Variants in CCNG2 observed in about 807,000 individuals in gnomAD.
The protein encoded by CCNG2 is cyclin G2.
In CCNG2, 20 loss-of-function variants were observed where a neutral mutation model predicts 36.5. That is an observed-to-expected ratio of 0.55 (90% CI 0.39 to 0.80). The LOEUF (loss-of-function observed/expected upper bound fraction) is 0.80. CCNG2 is among the 30% of genes least tolerant of loss of function. The pLI is 0.00. For missense variants in CCNG2, 358 were observed against 390.8 expected (o/e 0.92, Z 0.71); for synonymous variants, 155 against 140.1 (o/e 1.11, Z -0.75).
At chr4:77,162,715 G>A (rs1731515795) in intron 6 of CCNG2, among the ~76,000 whole-genome samples, 1 of 151,982 alleles carries the variant, frequency 6.6e-6, no homozygotes, top group Non-Finnish European at 1.5e-5. Context: ...AAAGAAATAG[G>A]GCAGACTAGG....
rs755592562 is a variant in CCNG2 at position 77,164,327 on chromosome 4, C to T, written c.759C>T (p.Ala253=). The change falls in exon 7 of 8, where the codon GCC becomes GCT. Residue 253 remains alanine (A), a synonymous_variant. Coordinates refer to ENST00000316355, the MANE Select transcript of CCNG2 (RefSeq NM_004354.3). ...YWRELVSKCL[A]EYSSPECCKP... ...GAGAGTTGGTTTCTAAATGCCTAGC[C>T]GAGTATTCTTCTCCTGAATGTTGCA... The T allele has an allele frequency of 8.7e-6, 14 of 1,613,820 alleles. No individual in the cohort carries two copies. Among genetic ancestry groups the T allele is most frequent in the East Asian group, 4.5e-5 (2 of 44,886 alleles).
chr4:77,158,165 G>T, intron 1 of CCNG2: 1 of 205,936 alleles, frequency 4.9e-6, no homozygotes, highest in South Asian at 1.0e-4. Flanking sequence ...ACCCGCTGCA[G>T]TCGCTCGCCA....
intron 4 of CCNG2, 44 bp from the exon 5 acceptor site, chr4:77,161,436 A>C: frequency 1.4e-6 from 2 of 1,388,288 alleles, no homozygotes; most frequent in Non-Finnish European, 2.0e-6. Flanking sequence ...AAATCATTTA[A>C]ATCTTTGGAA....
rs1317118793 is a variant in CCNG2 at position 77,167,801 on chromosome 4, A to G, written c.*1877A>G. 1.3e-5 allele frequency: 2 copies of G among 152,212 alleles called. No homozygotes were observed. The highest frequency in any genetic ancestry group is 2.1e-4 in the South Asian group (1 of 4,816). 9.4% of individuals were successfully genotyped at this position (152,212 alleles called of 1,614,324 possible). ...TCTGGAGATAGGGGTATGTTTTCCT[A>G]CCCTTCTAGTGGAGAATCCTACTTG... On this transcript the variant is annotated 3_prime_UTR_variant, in exon 8 of 8. Transcript: ENST00000316355.
In CCNG2 at chr4:77,158,730, C is replaced by G. The variant is rs560094130; in HGVS notation, c.138+60C>G. 75 of 1,575,648 alleles carry G rather than the reference C, an allele frequency of 4.8e-5. 1 individual carries two copies. Among genetic ancestry groups the G allele is most frequent in the Non-Finnish European group, 6.2e-5 (71 of 1,151,652 alleles). On this transcript the variant is annotated intron_variant, in intron 2 of 7. Coordinates refer to ENST00000316355, the MANE Select transcript of CCNG2 (RefSeq NM_004354.3). ...CTGATGGGGCTTGGAGGAGGTAACCCCCCCGCCCCCGTTGAATCATGACTA... is the reference window on the plus strand; with the variant it reads ...CTGATGGGGCTTGGAGGAGGTAACCGCCCCGCCCCCGTTGAATCATGACTA...
At chr4:77,164,547 C>A in intron 7 of CCNG2, 68 bp downstream of exon 7, 2 of 1,167,624 alleles carry the variant, frequency 1.7e-6, no homozygotes, top group Non-Finnish European at 1.3e-6. Context: ...ATACTCAGAA[C>A]TGGAATAGTG....
chr4:77,162,492 C>T (rs1239523070), intron 6 of CCNG2, among the ~76,000 whole-genome samples: 3 of 149,706 alleles, frequency 2.0e-5, no homozygotes, highest in Non-Finnish European at 4.4e-5. Context: ...AAGTGATTCT[C>T]CTGCGTCAAC....
At position 77,169,163 on chromosome 4, in the gene CCNG2, T is replaced by TTAGAC. The variant is rs1731705456; in HGVS notation, c.*3240_*3241insAGACT. 1 of 152,206 alleles carries TTAGAC rather than the reference T, an allele frequency of 6.6e-6. No homozygotes were observed. The highest frequency in any genetic ancestry group is 2.1e-4 in the South Asian group (1 of 4,832). 9.4% of individuals were successfully genotyped at this position (152,206 alleles called of 1,614,324 possible). A position where few individuals can be genotyped will look rare whatever the true frequency, so the allele number is the denominator to read the frequency against. ...CTCGTGACAATTTTAACCATTTTCT[T>TTAGAC]TGTCTAGAGTCTGCCTTTTTCTTTT... On this transcript the variant is annotated 3_prime_UTR_variant, in exon 8 of 8. Coordinates refer to ENST00000316355, the MANE Select transcript of CCNG2 (RefSeq NM_004354.3).
intron 1 of CCNG2, 123 bp from the exon 2 acceptor site, chr4:77,158,410 C>G: frequency 1.1e-6 from 1 of 935,492 alleles, no homozygotes; most frequent in Non-Finnish European, 1.7e-6. Flanking sequence ...GGTCCCTTCA[C>G]CCGCTCCTTG....
At chr4:77,160,531 T>TGGGCG (rs1553894287) in intron 3 of CCNG2, among the ~76,000 whole-genome samples, 190 bp from the exon 4 acceptor site, 1 of 107,374 alleles carries the variant, frequency 9.3e-6, no homozygotes, top group African/African-American at 4.3e-5. Flanking sequence ...CCTTTTTTTT[T>TGGGCG]GGGGGGGGGG....
At chr4:77,163,033 A>G (rs1731528999) in intron 6 of CCNG2, among the ~76,000 whole-genome samples, 1 of 152,116 alleles carries the variant, frequency 6.6e-6, no homozygotes, top group Non-Finnish European at 1.5e-5. Flanking sequence ...ATTTGTGATG[A>G]GAGCAATATG....
At chr4:77,159,319 T>C in intron 2 of CCNG2, 48 bp from the exon 3 acceptor site, 1 of 1,563,572 alleles carries the variant, frequency 6.4e-7, no homozygotes, top group Admixed American at 1.9e-5. Context: ...GTGTTTTTCA[T>C]CTGGTTCTAA....
chr4:77,164,613 C>G (rs907771921), intron 7 of CCNG2, 134 bp downstream of exon 7: 88 of 613,452 alleles, frequency 1.4e-4, no homozygotes, highest in Non-Finnish European at 2.2e-4. Flanking sequence ...AAAGCCCCCA[C>G]TCTTCAGGTA....
At chr4:77,158,287 AG>A in intron 1 of CCNG2, 1 of 500,346 alleles carries the variant, frequency 2.0e-6, no homozygotes, top group Non-Finnish European at 3.6e-6. Flanking sequence ...CCAAGAGGCC[AG>A]GGCTGGCCGG....
At chr4:77,159,617 A>G in intron 3 of CCNG2, 113 bp downstream of exon 3, 2 of 947,784 alleles carry the variant, frequency 2.1e-6, no homozygotes, top group South Asian at 1.9e-5. Context: ...GTACATAAAA[A>G]TTTATAATCA....
chr4:77,165,691 T>A (rs1163583032), intron 7 of CCNG2, 110 bp from the exon 8 acceptor site: 1 of 882,346 alleles, frequency 1.1e-6, no homozygotes, highest in East Asian at 2.9e-5. Context: ...AGCATAAATT[T>A]TGAATATAAA....
chr4:77,161,492 G>A lies in CCNG2; in HGVS notation c.540G>A (p.Leu180=). 1 of 1,601,168 alleles carries A rather than the reference G, an allele frequency of 6.2e-7. No homozygotes were observed. The highest frequency in any genetic ancestry group is 8.5e-7 in the Non-Finnish European group (1 of 1,174,558). The stretch of plus-strand genomic sequence containing the variant: ...TTGCATTGTATAGGAAAGAAATACT[G>A]AGCCTTGATAAACTAGAAGCTCAGC... ...LCHTSERKEI[L]SLDKLEAQLK... Residue 180 remains leucine (L), a synonymous_variant, in exon 5 of 8, where the codon CTG becomes CTA. Coordinates refer to ENST00000316355, the MANE Select transcript of CCNG2 (RefSeq NM_004354.3).
Position 77,169,418 on chromosome 4 carries a change from G to A in CCNG2, c.*3494G>A, listed in dbSNP as rs1390326354. 2.0e-5 allele frequency: 3 copies of A among 152,190 alleles called. No homozygotes were observed. The highest frequency in any genetic ancestry group is 4.4e-5 in the Non-Finnish European group (3 of 68,036). The allele number at this position is 152,190 out of a possible 1,614,324, so 9.4% of individuals were successfully genotyped here. A position where few individuals can be genotyped will look rare whatever the true frequency, so the allele number is the denominator to read the frequency against. ...TACTTTGTGTTTAGCAAATCAAATT[G>A]TGTGATAGATAGTTTCCCAGTATGA... On this transcript the variant is annotated 3_prime_UTR_variant, in exon 8 of 8. Coordinates refer to ENST00000316355, the MANE Select transcript of CCNG2 (RefSeq NM_004354.3).
rs1348699803 is a variant in CCNG2 at position 77,169,797 on chromosome 4, C to T, written c.*3873C>T. The T allele has an allele frequency of 6.6e-6, 1 of 152,194 alleles. No individual in the cohort carries two copies. Among genetic ancestry groups the T allele is most frequent in the Non-Finnish European group, 1.5e-5 (1 of 68,054 alleles). 9.4% of individuals were successfully genotyped at this position (152,194 alleles called of 1,614,324 possible). A position where few individuals can be genotyped will look rare whatever the true frequency, so the allele number is the denominator to read the frequency against. ...TACACCACAGAAAACAGAGGAACTA[C>T]TCAGTCGATCCCAATCAACCCACAG... On this transcript the variant is annotated 3_prime_UTR_variant, in exon 8 of 8. Transcript: ENST00000316355.
Sources: gnomAD v4.1 joint callset for allele counts (sites outside exome capture counted in the v4.1 genomes callset) on GRCh38, gnomAD v4.1.1 for gene constraint, MANE v1.5 for transcripts, NCBI Gene and HGNC (gene_info 2026-07-23, HGNC 2026-07-21) for gene names.